CACNA1E: variants seen among roughly 807,000 people sequenced by gnomAD.
CACNA1E encodes calcium voltage-gated channel subunit alpha1 E.
Under a neutral mutation model 259.2 loss-of-function variants are expected in CACNA1E, and 40 were observed. The ratio of observed to expected loss-of-function variants is 0.15; its 90% CI spans 0.12 to 0.20. The LOEUF (loss-of-function observed/expected upper bound fraction) is 0.20. Among genes scored for constraint, CACNA1E ranks in the 10% least tolerant of loss-of-function variants. The probability of loss-of-function intolerance (pLI) is 1.00; values close to 1 mark genes in which losing one functional copy is unlikely to be tolerated. For missense variants in CACNA1E, 1,874 were observed against 3,040.1 expected (o/e 0.62, Z 9.02); for synonymous variants, 1,104 against 1,138.5 (o/e 0.97, Z 0.61).
chr1:181,755,063 C>T (rs1046734408), intron 27 of CACNA1E, among the ~76,000 whole-genome samples, 174 bp from the exon 28 acceptor site: 2 of 152,140 alleles, frequency 1.3e-5, no homozygotes, highest in Non-Finnish European at 2.9e-5. Flanking sequence ...TCATAACCAG[C>T]TTAGAAGCCA....
chr1:181,732,904 A>G lies in CACNA1E; in HGVS notation c.2818A>G (p.Arg940Gly), dbSNP rs763568891. The G allele has an allele frequency of 6.2e-7, 1 of 1,613,992 alleles. No individual in the cohort carries two copies. The highest frequency in any genetic ancestry group is 8.5e-7 in the Non-Finnish European group (1 of 1,179,886). The change falls in exon 20 of 48, where the codon AGG becomes GGG. Residue 940 changes from arginine to glycine, a missense_variant. Transcript: ENST00000367573. This position sits in a 1 kb window ranked among gnomAD's most constrained non-coding sequence, Gnocchi z 5.5. Reference sequence around the variant, plus strand: ...GGAGTCCTCTTCAGCCTCCCGGAGCAGGTCTGCCAGCCAGGAACGCAGTCT... The same window carrying G: ...GGAGTCCTCTTCAGCCTCCCGGAGCGGGTCTGCCAGCCAGGAACGCAGTCT... Reference protein sequence around the residue: ...GKESSSASRSRSASQERSLDE... With the variant: ...GKESSSASRSGSASQERSLDE...
At chr1:181,722,318 T>G (rs902909006) in intron 16 of CACNA1E, among the ~76,000 whole-genome samples, 1 of 152,228 alleles carries the variant, frequency 6.6e-6, no homozygotes, top group Non-Finnish European at 1.5e-5. Context: ...ATAGCAAATA[T>G]GTATTGTATT....
At chr1:181,613,182 T>C (rs1572379407) in intron 6 of CACNA1E, among the ~76,000 whole-genome samples, 1 of 152,204 alleles carries the variant, frequency 6.6e-6, no homozygotes, top group Admixed American at 6.6e-5. Flanking sequence ...TCTAAATTTG[T>C]TCTCTATTTT....
At position 181,654,583 on chromosome 1, in the gene CACNA1E, G is replaced by A. The variant is rs188388061; in HGVS notation, c.1055+3142G>A. Among the ~76,000 whole-genome samples, 137 of 152,300 alleles carry A rather than the reference G, an allele frequency of 9.0e-4. 1 individual carries two copies. The highest frequency in any genetic ancestry group is 6.5e-3 in the Admixed American group (100 of 15,306). ...GCAACGTGGATGTCCATAACTGGGAGATTATATAGGTAAAATATTGGATGT... is the reference window on the plus strand; with the variant it reads ...GCAACGTGGATGTCCATAACTGGGAAATTATATAGGTAAAATATTGGATGT... On this transcript the variant is annotated intron_variant, in intron 7 of 47. Coordinates refer to ENST00000367573, the MANE Select transcript of CACNA1E (RefSeq NM_001205293.3).
chr1:181,545,838 G>T (rs1489012869), intron 3 of CACNA1E, among the ~76,000 whole-genome samples: 1 of 152,072 alleles, frequency 6.6e-6, no homozygotes, highest in Non-Finnish European at 1.5e-5. Flanking sequence ...TTGGCCCAAG[G>T]CTCCCCCAGG....
intron 7 of CACNA1E, among the ~76,000 whole-genome samples, chr1:181,701,548 T>C (rs531052946): frequency 2.6e-5 from 4 of 152,332 alleles, no homozygotes; most frequent in African/African-American, 9.6e-5. Context: ...CATGCCTTGA[T>C]AGTATCTGTG....
chr1:181,466,788 G>GT lies in CACNA1E; in HGVS notation c.435-16951dup, dbSNP rs577952013. Among the ~76,000 whole-genome samples the GT allele has an allele frequency of 3.5e-4, 53 of 152,152 alleles. No individual in the cohort carries two copies. The East Asian group carries it at 9.4e-3, about 27-fold the overall frequency. On this transcript the variant is annotated intron_variant, in intron 2 of 11. Coordinates refer to the CACNA1E transcript ENST00000524607. ...GAAAATATATTTCTGTACTTTATCAGTTTTTCTAGAAATGTGTAGCAAGAG... is the reference window on the plus strand; with the variant it reads ...GAAAATATATTTCTGTACTTTATCAGTTTTTTCTAGAAATGTGTAGCAAGAG...
rs66526388 is a variant in CACNA1E, at chr1:181,686,275, G to GTTTTTTTTTTT, written c.1056-24661_1056-24651dup. On this transcript the variant is annotated intron_variant, in intron 7 of 47. Transcript: ENST00000367573. Reference sequence around the variant, plus strand: ...AGGCTTGGAGGCCAGTAAGAACCAAGTTTTTTTTTTTTTTTTTTTTTTTTT... The same window carrying GTTTTTTTTTTT: ...AGGCTTGGAGGCCAGTAAGAACCAAGTTTTTTTTTTTTTTTTTTTTTTTTTTTTTTTTTTTT... 2.4e-4 allele frequency among the ~76,000 whole-genome samples: 14 copies of GTTTTTTTTTTT among 58,668 alleles called. 1 individual carries two copies. Among genetic ancestry groups the GTTTTTTTTTTT allele is most frequent in the African/African-American group, 6.2e-4 (10 of 16,128 alleles). The allele number at this position is 58,668 out of a possible 152,430, so 38.5% of individuals were successfully genotyped here.
chr1:181,798,749 G>T lies in CACNA1E; in HGVS notation c.6857G>T (p.Arg2286Leu), dbSNP rs749565023. 1.2e-6 allele frequency: 2 copies of T among 1,603,986 alleles called. No individual in the cohort carries two copies. Among genetic ancestry groups the T allele is most frequent in the African/African-American group, 1.3e-5 (1 of 74,952 alleles). The change falls in exon 48 of 48, where the codon CGG becomes CTG. Residue 2286 changes from arginine to leucine, a missense_variant. Arg to Leu is a moderately radical substitution (Grantham distance 102). This residue lies in a region of CACNA1E where 542 missense variants were observed against 587.2 expected (regional missense o/e 0.92). Transcript: ENST00000367573. The surrounding 1 kb of genome is among the most constrained non-coding windows in gnomAD (Gnocchi z 4.2). ...WQMPNGHYRR[R>L]RRGGPGPGMM... The stretch of plus-strand genomic sequence containing the variant: ...ATGCCCAACGGGCACTATCGGCGGC[G>T]GAGGCGCGGGGGGCCTGGGCCAGGC...
At position 181,562,317 on chromosome 1, in the gene CACNA1E, G is replaced by A. The variant is rs1649408073; in HGVS notation, c.513-15449G>A. 6.6e-6 allele frequency among the ~76,000 whole-genome samples: 1 copy of A among 152,146 alleles called. No individual in the cohort carries two copies. The highest frequency in any genetic ancestry group is 2.4e-5 in the African/African-American group (1 of 41,436). The stretch of plus-strand genomic sequence containing the variant: ...GCACCAATTCACTGTCCTACTGGTG[G>A]CAGTTTAATAGGCATGACAGGCCAT... On this transcript the variant is annotated intron_variant, in intron 3 of 47. Coordinates refer to ENST00000367573, the MANE Select transcript of CACNA1E (RefSeq NM_001205293.3).
chr1:181,683,462 G>T (rs146175184), intron 7 of CACNA1E, among the ~76,000 whole-genome samples: 7 of 152,226 alleles, frequency 4.6e-5, no homozygotes, highest in African/African-American at 1.4e-4. Context: ...TAGGTTCAAG[G>T]AGGTACGTGT....
intron 1 of CACNA1E, among the ~76,000 whole-genome samples, chr1:181,500,533 A>G (rs924241928): frequency 4.6e-5 from 7 of 152,230 alleles, no homozygotes; most frequent in Non-Finnish European, 8.8e-5. Flanking sequence ...AAAATAGTCC[A>G]TTCACTTGTG....
intron 2 of CACNA1E, among the ~76,000 whole-genome samples, chr1:181,446,702 G>A (rs1174208441): frequency 6.6e-6 from 1 of 152,072 alleles, no homozygotes; most frequent in African/African-American, 2.4e-5. Flanking sequence ...ACGTGCCCTT[G>A]GACACTCTCG....
chr1:181,747,626 T>C (rs187637509), intron 25 of CACNA1E, among the ~76,000 whole-genome samples: 1 of 152,286 alleles, frequency 6.6e-6, no homozygotes, highest in African/African-American at 2.4e-5. Context: ...CTGATAGAAA[T>C]TTTATTAATG....
chr1:181,350,944 GCAAA>G (rs558839853), intron 1 of CACNA1E, among the ~76,000 whole-genome samples: 1 of 152,190 alleles, frequency 6.6e-6, no homozygotes, highest in Non-Finnish European at 1.5e-5. Context: ...CTGAAAAAAG[GCAAA>G]CAAGTAAATG....
chr1:181,358,983 C>T (rs1198865594), intron 1 of CACNA1E, among the ~76,000 whole-genome samples: 1 of 152,208 alleles, frequency 6.6e-6, no homozygotes, highest in Non-Finnish European at 1.5e-5. Context: ...AGCTTCTGGC[C>T]ATTCCTTGGA....
intron 2 of CACNA1E, among the ~76,000 whole-genome samples, chr1:181,420,507 T>G (rs1312652519): frequency 6.6e-6 from 1 of 152,196 alleles, no homozygotes; most frequent in Non-Finnish European, 1.5e-5. Context: ...ATACATATGA[T>G]CTCATCTGAG....
At chr1:181,321,921 C>T (rs570315355) in intron 1 of CACNA1E, among the ~76,000 whole-genome samples, 1 of 152,250 alleles carries the variant, frequency 6.6e-6, no homozygotes, top group South Asian at 2.1e-4. Context: ...TTCAGCAGTC[C>T]CACAATTCAG....
intron 3 of CACNA1E, among the ~76,000 whole-genome samples, chr1:181,511,821 G>T (rs1169495032): frequency 6.6e-6 from 1 of 152,226 alleles, no homozygotes; most frequent in African/African-American, 2.4e-5. Context: ...CTTCTCTGGG[G>T]AGGGTGACAT....
Sources: allele counts gnomAD v4.1 joint callset (sites outside exome capture counted in the v4.1 genomes callset), GRCh38; gene constraint gnomAD v4.1.1; regional missense constraint gnomAD v4.1.1; non-coding constraint Gnocchi (gnomAD v3.1); transcripts MANE v1.5; gene names NCBI Gene and HGNC (gene_info 2026-07-23, HGNC 2026-07-21).